Variants in RORA observed in about 807,000 individuals in gnomAD.
RORA encodes the protein nuclear receptor ROR-alpha.
RORA carries 7 observed loss-of-function variants against 69.5 expected under a neutral mutation model. The observed-to-expected ratio is 0.10, with a 90% CI of 0.06 to 0.19. The LOEUF (loss-of-function observed/expected upper bound fraction) is 0.19, where lower values mean the gene tolerates loss of function less well. RORA is among the 10% of genes least tolerant of loss of function. RORA has a pLI of 1.00. For missense variants in RORA, 457 were observed against 663.0 expected, an observed-to-expected ratio of 0.69 and a Z score of 3.41; for synonymous variants, 261 against 240.8, an observed-to-expected ratio of 1.08 and a Z score of -0.78.
chr15:60,841,172 G>A (rs1380564269), intron 1 of RORA: 3 of 716,526 alleles, frequency 4.2e-6, no homozygotes, highest in African/African-American at 3.8e-5. Context: ...GACACAGCTT[G>A]GAGAAAGAAC....
At chr15:60,655,164 T>G (rs945214523) in intron 2 of RORA, among the ~76,000 whole-genome samples, 3 of 152,312 alleles carry the variant, frequency 2.0e-5, no homozygotes, top group Non-Finnish European at 4.4e-5. Flanking sequence ...GGCAACTTTT[T>G]AAATTTTTAT....
intron 2 of RORA, among the ~76,000 whole-genome samples, chr15:60,588,166 C>T (rs1596019567): frequency 6.6e-6 from 1 of 152,064 alleles, no homozygotes; most frequent in South Asian, 2.1e-4. Flanking sequence ...TGGTGGATGG[C>T]TCCAAAAAAA....
At chr15:61,007,726 T>C (rs551489262) in intron 1 of RORA, among the ~76,000 whole-genome samples, 1 of 148,844 alleles carries the variant, frequency 6.7e-6, no homozygotes, top group South Asian at 2.1e-4. Flanking sequence ...GCTAATATTA[T>C]ATATTTTATA....
At chr15:60,891,490 A>G (rs2073812275) in intron 1 of RORA, among the ~76,000 whole-genome samples, 1 of 152,188 alleles carries the variant, frequency 6.6e-6, no homozygotes. Flanking sequence ...ACATGAGAGG[A>G]ACAATATTAG....
At chr15:60,960,473 C>T (rs1489289184) in intron 1 of RORA, among the ~76,000 whole-genome samples, 3 of 152,066 alleles carry the variant, frequency 2.0e-5, no homozygotes, top group Non-Finnish European at 1.5e-5. Flanking sequence ...AAAATACCTG[C>T]TCAAAAAATA....
chr15:60,704,344 C>A (rs966620197), intron 1 of RORA, among the ~76,000 whole-genome samples: 3 of 152,214 alleles, frequency 2.0e-5, no homozygotes, highest in African/African-American at 7.2e-5. Flanking sequence ...GGCATCACAC[C>A]CATCCTAAGA....
intron 2 of RORA, among the ~76,000 whole-genome samples, chr15:60,593,786 T>A (rs1373140008): frequency 6.6e-6 from 1 of 152,216 alleles, no homozygotes; most frequent in African/African-American, 2.4e-5. Context: ...GGCTATTAGC[T>A]GTTGCATTCA....
chr15:60,820,238 A>G lies in RORA; in HGVS notation c.167-141552T>C, dbSNP rs79765750. Among the ~76,000 whole-genome samples, 9 of 152,324 alleles carry G rather than the reference A, an allele frequency of 5.9e-5. No individual in the cohort carries two copies. In the East Asian group the frequency reaches 1.5e-3, roughly 26 times the overall value. On this transcript the variant is annotated intron_variant, in intron 1 of 10. Transcript: ENST00000335670. ...TTTCTCTTTGTTCAGCACAGGTTCTAGCACGTGTTTTGAAAGTTGCCTATT... is the reference window on the plus strand; with the variant it reads ...TTTCTCTTTGTTCAGCACAGGTTCTGGCACGTGTTTTGAAAGTTGCCTATT...
intron 1 of RORA, among the ~76,000 whole-genome samples, chr15:61,132,077 TC>T (rs1223688345): frequency 2.0e-5 from 3 of 152,186 alleles, no homozygotes; most frequent in Non-Finnish European, 4.4e-5. Flanking sequence ...TGCATTCAAG[TC>T]TTTTAAAAAA....
At chr15:60,938,330 A>G (rs985609491) in intron 1 of RORA, among the ~76,000 whole-genome samples, 3 of 152,182 alleles carry the variant, frequency 2.0e-5, no homozygotes, top group African/African-American at 4.8e-5. Context: ...TCTTCACCCT[A>G]TCATTCCATT....
At chr15:61,119,126 G>A (rs1222343384) in intron 1 of RORA, among the ~76,000 whole-genome samples, 2 of 151,100 alleles carry the variant, frequency 1.3e-5, no homozygotes, top group East Asian at 2.0e-4. Flanking sequence ...CCAAGGTGCA[G>A]GAACAAGCAC....
chr15:60,828,896 T>C (rs2073001358), intron 1 of RORA, among the ~76,000 whole-genome samples: 2 of 152,226 alleles, frequency 1.3e-5, no homozygotes, highest in South Asian at 4.1e-4. Context: ...TCAGGGCAAC[T>C]CATTTACTTT....
At chr15:61,067,951 T>C (rs2078288160) in intron 1 of RORA, among the ~76,000 whole-genome samples, 1 of 152,228 alleles carries the variant, frequency 6.6e-6, no homozygotes, top group African/African-American at 2.4e-5. Flanking sequence ...GTAGATGATA[T>C]TATGAATGGC....
At chr15:61,009,313 G>T (rs1301929121) in intron 1 of RORA, among the ~76,000 whole-genome samples, 1 of 152,156 alleles carries the variant, frequency 6.6e-6, no homozygotes, top group South Asian at 2.1e-4. Flanking sequence ...TTATAGGAAG[G>T]ATGCACATTT....
chr15:60,699,019 A>G (rs1321673448), intron 1 of RORA, among the ~76,000 whole-genome samples: 1 of 151,996 alleles, frequency 6.6e-6, no homozygotes, highest in Non-Finnish European at 1.5e-5. Flanking sequence ...ATAGTTAATC[A>G]TATGTTGCTT....
At chr15:60,592,183 C>T (rs1275434238) in intron 2 of RORA, among the ~76,000 whole-genome samples, 2 of 151,946 alleles carry the variant, frequency 1.3e-5, no homozygotes, top group Non-Finnish European at 2.9e-5. Flanking sequence ...CGCCTTTGCC[C>T]CCCAATCGGA....
chr15:60,630,710 T>C (rs370190557), intron 2 of RORA: 1 of 152,228 alleles, frequency 6.6e-6, no homozygotes, highest in African/African-American at 2.4e-5. Context: ...GTGAGTCTCA[T>C]ATACAGCTCA....
At chr15:60,597,512 TACAC>T (rs56774445) in intron 2 of RORA, among the ~76,000 whole-genome samples, 151 of 43,184 alleles carry the variant, frequency 3.5e-3, no homozygotes, top group African/African-American at 9.6e-3. Flanking sequence ...GTACAGGAGA[TACAC>T]ACACACACAC....
chr15:60,547,365 C>T (rs1016908188), intron 2 of RORA, among the ~76,000 whole-genome samples: 3 of 151,398 alleles, frequency 2.0e-5, no homozygotes, highest in Non-Finnish European at 4.4e-5. Context: ...GCTCTGTCAC[C>T]CAGGCTGGAG....
Sources: allele counts gnomAD v4.1 joint callset (sites outside exome capture counted in the v4.1 genomes callset), GRCh38; gene constraint gnomAD v4.1.1; transcripts MANE v1.5; gene names NCBI Gene and HGNC (gene_info 2026-07-23, HGNC 2026-07-21).